The following CSMD3 variants were observed in gnomAD, a reference collection of about 807,000 sequenced individuals.
CSMD3 encodes the protein CUB and Sushi multiple domains 3.
In CSMD3, 177 loss-of-function variants were observed where a neutral mutation model predicts 435.2. That is an observed-to-expected ratio of 0.41 (90% CI 0.36 to 0.46). CSMD3 has a LOEUF of 0.46. Among genes scored for constraint, CSMD3 ranks in the 20% least tolerant of loss-of-function variants. CSMD3 has a pLI of 0.34. For synonymous variants in CSMD3, 1,656 were observed against 1,520.5 expected (o/e 1.09, Z -2.07); for missense variants, 4,265 against 4,504.6 (o/e 0.95, Z 1.52).
At chr8:112,766,073 A>T (rs2077970763) in intron 13 of CSMD3, among the ~76,000 whole-genome samples, 2 of 151,670 alleles carry the variant, frequency 1.3e-5, no homozygotes, top group African/African-American at 2.4e-5. Context: ...TTTCTACAGG[A>T]TCAATGATTG....
At chr8:113,153,101 A>AAAGAAAAGAAAGAAAGAAAGAAAG (rs35085690) in intron 4 of CSMD3, among the ~76,000 whole-genome samples, 48 of 100,020 alleles carry the variant, frequency 4.8e-4, no homozygotes, top group African/African-American at 2.1e-3. Flanking sequence ...AGAAAGAAAG[A>AAAGAAAAGAAAGAAAGAAAGAAAG]AAAGAAAGAA....
chr8:113,375,373 G>A (rs2094374770), intron 1 of CSMD3, among the ~76,000 whole-genome samples: 1 of 152,134 alleles, frequency 6.6e-6, no homozygotes, highest in Admixed American at 6.5e-5. Context: ...AAGAGCATAT[G>A]TCTAATAAGT....
chr8:112,893,873 A>G (rs2081873045), intron 10 of CSMD3, among the ~76,000 whole-genome samples: 1 of 151,426 alleles, frequency 6.6e-6, no homozygotes, highest in Non-Finnish European at 1.5e-5. Flanking sequence ...AGAACAGTAT[A>G]CTCTTCCAAT....
At chr8:112,777,332 T>C (rs1438675485) in intron 13 of CSMD3, among the ~76,000 whole-genome samples, 3 of 151,852 alleles carry the variant, frequency 2.0e-5, no homozygotes, top group East Asian at 1.9e-4. Flanking sequence ...CTCTATTTTA[T>C]AGCTTGTGTT....
intron 4 of CSMD3, among the ~76,000 whole-genome samples, chr8:113,107,451 T>C (rs2090513289): frequency 6.6e-6 from 1 of 152,186 alleles, no homozygotes; most frequent in Non-Finnish European, 1.5e-5. Flanking sequence ...CCGCCAGGTA[T>C]TGGTTCTAGG....
chr8:113,410,903 A>AAGAAAGAAAG (rs2094555806), intron 1 of CSMD3, among the ~76,000 whole-genome samples: 1 of 56,690 alleles, frequency 1.8e-5, no homozygotes, highest in East Asian at 6.8e-4. Context: ...AACCCTGTGA[A>AAGAAAGAAAG]AGAAAGAAAG....
chr8:112,248,024 G>C (rs996230359), intron 63 of CSMD3, among the ~76,000 whole-genome samples: 1 of 152,090 alleles, frequency 6.6e-6, no homozygotes, highest in Non-Finnish European at 1.5e-5. Flanking sequence ...GGATAAGTGG[G>C]AAGCAGGGGT....
At chr8:113,196,504 C>T (rs2092657622) in intron 3 of CSMD3, among the ~76,000 whole-genome samples, 1 of 151,066 alleles carries the variant, frequency 6.6e-6, no homozygotes, top group Admixed American at 6.6e-5. Flanking sequence ...TGTTGATTAC[C>T]TTAGATTTTA....
At chr8:113,342,250 A>G (rs1034469812) in intron 1 of CSMD3, among the ~76,000 whole-genome samples, 4 of 152,116 alleles carry the variant, frequency 2.6e-5, no homozygotes, top group East Asian at 1.9e-4. Flanking sequence ...TAAACACTAG[A>G]CTATAACATC....
intron 5 of CSMD3, among the ~76,000 whole-genome samples, chr8:113,026,685 CT>C (rs924764410): frequency 2.6e-5 from 4 of 152,182 alleles, no homozygotes; most frequent in African/African-American, 9.6e-5. Context: ...AACTTTCAGT[CT>C]CTTTGAATTT....
intron 2 of CSMD3, among the ~76,000 whole-genome samples, chr8:113,280,513 CCT>C (rs879394895): frequency 6.6e-6 from 1 of 151,778 alleles, no homozygotes; most frequent in Non-Finnish European, 1.5e-5. Flanking sequence ...TGTAATATCT[CCT>C]GTTTCATTTC....
chr8:112,925,637 CTTAAG>C (rs1178404109), intron 9 of CSMD3, among the ~76,000 whole-genome samples: 2 of 151,896 alleles, frequency 1.3e-5, no homozygotes, highest in Non-Finnish European at 1.5e-5. Flanking sequence ...GATTTAGGGG[CTTAAG>C]TTAAGATGGA....
At chr8:112,264,447 G>T (rs999685589) in intron 60 of CSMD3, among the ~76,000 whole-genome samples, 1 of 152,010 alleles carries the variant, frequency 6.6e-6, no homozygotes, top group Non-Finnish European at 1.5e-5. Context: ...ATGAGGAAGG[G>T]TATCAACTTC....
At chr8:112,829,377 C>T (rs951926371) in intron 12 of CSMD3, among the ~76,000 whole-genome samples, 4 of 152,116 alleles carry the variant, frequency 2.6e-5, no homozygotes, top group African/African-American at 7.2e-5. Context: ...CCTCACCAGA[C>T]GTCAAATCTG....
At chr8:112,699,337 A>G (rs2076333495) in intron 13 of CSMD3, among the ~76,000 whole-genome samples, 1 of 152,122 alleles carries the variant, frequency 6.6e-6, no homozygotes, top group African/African-American at 2.4e-5. Context: ...CAAACACACC[A>G]TCTTTAAGAT....
chr8:112,647,859 T>G (rs143035154), intron 19 of CSMD3, among the ~76,000 whole-genome samples: 1 of 152,310 alleles, frequency 6.6e-6, no homozygotes, highest in Non-Finnish European at 1.5e-5. Context: ...CAAGTGGTGA[T>G]CATAATAGCA....
intron 3 of CSMD3, among the ~76,000 whole-genome samples, chr8:113,259,832 G>A (rs1478442465): frequency 2.0e-5 from 3 of 152,114 alleles, no homozygotes; most frequent in African/African-American, 7.2e-5. Flanking sequence ...TATAAGAGCA[G>A]TGATATGGTT....
At chr8:112,903,722 G>T (rs904461517) in intron 10 of CSMD3, among the ~76,000 whole-genome samples, 1 of 151,090 alleles carries the variant, frequency 6.6e-6, no homozygotes, top group Admixed American at 6.6e-5. Context: ...GAACACAATC[G>T]TCCTTATTCT....
At chr8:113,291,278 T>C (rs2093684658) in intron 2 of CSMD3, among the ~76,000 whole-genome samples, 1 of 151,772 alleles carries the variant, frequency 6.6e-6, no homozygotes, top group African/African-American at 2.4e-5. Context: ...ACTTTCCCCA[T>C]TATCTGTCAG....
Sources: allele counts gnomAD v4.1 joint callset (sites outside exome capture counted in the v4.1 genomes callset), GRCh38; gene constraint gnomAD v4.1.1; transcripts MANE v1.5; gene names NCBI Gene and HGNC (gene_info 2026-07-23, HGNC 2026-07-21).